ADAMTSL1: variants seen among roughly 807,000 people sequenced by gnomAD.
ADAMTSL1 encodes the protein ADAMTS like 1.
A neutral mutation model predicts 201.8 loss-of-function variants in ADAMTSL1; 126 were observed. The observed-to-expected ratio is 0.62, with a 90% CI of 0.54 to 0.72. The LOEUF is 0.72. ADAMTSL1 is among the 30% of genes least tolerant of loss of function. The pLI, the probability that ADAMTSL1 is intolerant of heterozygous loss-of-function variation, is 0.00. For synonymous variants in ADAMTSL1, 1,121 were observed against 903.4 expected (o/e 1.24, Z -4.32); for missense variants, 2,679 against 2,277.8 (o/e 1.18, Z -3.59).
chr9:18,422,622 G>A (rs573296747), intron 2 of ADAMTSL1, among the ~76,000 whole-genome samples: 23 of 152,132 alleles, frequency 1.5e-4, no homozygotes, highest in African/African-American at 3.9e-4. Flanking sequence ...ACCATCTTGC[G>A]CTCACCATTC....
intron 2 of ADAMTSL1, among the ~76,000 whole-genome samples, chr9:18,278,276 A>G (rs575208570): frequency 1.3e-5 from 2 of 152,270 alleles, no homozygotes; most frequent in South Asian, 4.1e-4. Context: ...TCATATTGTT[A>G]AGTAGCATTG....
At chr9:18,635,793 T>C (rs1035617245) in intron 5 of ADAMTSL1, 150 bp from the exon 6 acceptor site, 6 of 600,530 alleles carry the variant, frequency 1.0e-5, no homozygotes, top group Non-Finnish European at 1.4e-5. Context: ...AAAGTGAAAA[T>C]GTTGATTTCT....
intron 1 of ADAMTSL1, among the ~76,000 whole-genome samples, chr9:18,124,049 GA>G (rs1467533318): frequency 2.8e-5 from 4 of 141,682 alleles, no homozygotes; most frequent in Non-Finnish European, 4.6e-5. Flanking sequence ...TAATGATGTT[GA>G]GTATCTTTTT....
At chr9:17,996,743 G>T (rs1819397482) in intron 1 of ADAMTSL1, among the ~76,000 whole-genome samples, 1 of 151,772 alleles carries the variant, frequency 6.6e-6, no homozygotes, top group African/African-American at 2.4e-5. Flanking sequence ...AGATCTTTGT[G>T]CTCCACATTT....
At chr9:18,284,991 A>G (rs1587468644) in intron 2 of ADAMTSL1, among the ~76,000 whole-genome samples, 4 of 152,198 alleles carry the variant, frequency 2.6e-5, no homozygotes, top group Non-Finnish European at 4.4e-5. Context: ...TGTTCAAACA[A>G]TCATTCAAGG....
chr9:18,686,068 G>A (rs956489656), intron 13 of ADAMTSL1, among the ~76,000 whole-genome samples: 2 of 151,866 alleles, frequency 1.3e-5, no homozygotes, highest in African/African-American at 4.8e-5. Flanking sequence ...ACAGGTGCAG[G>A]CCACCACACC....
chr9:18,090,928 G>T (rs965162551), intron 1 of ADAMTSL1, among the ~76,000 whole-genome samples: 1 of 152,008 alleles, frequency 6.6e-6, no homozygotes, highest in African/African-American at 2.4e-5. Flanking sequence ...ATTCTGGGCT[G>T]TGTACACATG....
chr9:18,132,061 T>G (rs1825975319), intron 1 of ADAMTSL1, among the ~76,000 whole-genome samples: 1 of 152,148 alleles, frequency 6.6e-6, no homozygotes, highest in South Asian at 2.1e-4. Flanking sequence ...TTCTATCTAC[T>G]AAGGATCAAT....
chr9:18,547,307 C>A (rs756857426), intron 3 of ADAMTSL1, among the ~76,000 whole-genome samples: 16 of 151,934 alleles, frequency 1.1e-4, no homozygotes, highest in Admixed American at 4.6e-4. Context: ...ATCTTAATAT[C>A]TATTCATCCT....
At chr9:18,415,435 C>T (rs1218726842) in intron 2 of ADAMTSL1, among the ~76,000 whole-genome samples, 2 of 152,036 alleles carry the variant, frequency 1.3e-5, no homozygotes, top group East Asian at 1.9e-4. Context: ...ATATTAGTAA[C>T]AGATTAGCTG....
At chr9:18,566,464 G>C (rs930473836) in intron 3 of ADAMTSL1, among the ~76,000 whole-genome samples, 1 of 152,202 alleles carries the variant, frequency 6.6e-6, no homozygotes, top group African/African-American at 2.4e-5. Context: ...TAGGAAAAAG[G>C]AAAGTTGAGC....
intron 1 of ADAMTSL1, among the ~76,000 whole-genome samples, chr9:18,018,095 C>T (rs1365943068): frequency 1.3e-5 from 2 of 152,008 alleles, no homozygotes; most frequent in Non-Finnish European, 2.9e-5. Flanking sequence ...AGAAACTACA[C>T]ATATATAGAA....
chr9:18,839,599 G>A (rs1308827936), intron 23 of ADAMTSL1, among the ~76,000 whole-genome samples: 1 of 152,228 alleles, frequency 6.6e-6, no homozygotes, highest in Admixed American at 6.5e-5. Flanking sequence ...GATCCTTGAG[G>A]AATGGCCACA....
chr9:18,361,685 T>G (rs2133081259), intron 2 of ADAMTSL1, among the ~76,000 whole-genome samples: 1 of 152,284 alleles, frequency 6.6e-6, no homozygotes, highest in African/African-American at 2.4e-5. Flanking sequence ...CCACACTAAT[T>G]TAGTTTTCAT....
rs1167111948 is a variant in ADAMTSL1, at chr9:18,688,802, G to C, written c.1574+4002G>C. On this transcript the variant is annotated intron_variant, in intron 13 of 28. Coordinates refer to ENST00000380548, the MANE Select transcript of ADAMTSL1 (RefSeq NM_001040272.6). The stretch of plus-strand genomic sequence containing the variant: ...GTGCCTATTTGAGATGGAGTTGCCT[G>C]GTTCAAATGCCTCTGACTGTTGAGG... Among the ~76,000 whole-genome samples, 3 of 145,762 alleles carry C rather than the reference G, an allele frequency of 2.1e-5. No individual in the cohort carries two copies. In the East Asian group the frequency reaches 6.1e-4, roughly 29 times the overall value.
At chr9:18,853,562 C>T (rs1158248150) in intron 23 of ADAMTSL1, among the ~76,000 whole-genome samples, 2 of 152,152 alleles carry the variant, frequency 1.3e-5, no homozygotes, top group Non-Finnish European at 2.9e-5. Flanking sequence ...AGAATTCAGG[C>T]TCCTCTCATC....
At chr9:18,770,876 C>T (rs550487071) in intron 17 of ADAMTSL1, 95 bp downstream of exon 17, 29 of 1,262,874 alleles carry the variant, frequency 2.3e-5, no homozygotes, top group Non-Finnish European at 3.0e-5. Context: ...GAGAACAAAA[C>T]AATCTTCCTA....
intron 1 of ADAMTSL1, among the ~76,000 whole-genome samples, chr9:17,934,220 A>C (rs187156439): frequency 2.0e-5 from 3 of 152,272 alleles, no homozygotes; most frequent in African/African-American, 7.2e-5. Flanking sequence ...TCTTGTTGTC[A>C]ACAATAAGGT....
Position 18,817,123 on chromosome 9 carries a change from A to G in ADAMTSL1, c.3820A>G (p.Lys1274Glu). 2 of 1,608,604 alleles carry G rather than the reference A, an allele frequency of 1.2e-6. No individual in the cohort carries two copies. The highest frequency in any genetic ancestry group is 1.7e-5 in the Admixed American group (1 of 59,362). ...CTTATCTTCAGGAAAGCCACTAGTG[A>G]AAACGTCACGAATGACAGTGATCAA... ...AVTLAGKPLV[K>E]TSRMTVINTE... Residue 1274 changes from lysine (K) to glutamate (E), a missense_variant, in exon 21 of 29, where the codon AAA becomes GAA. Transcript: ENST00000380548.
Sources: gnomAD v4.1 joint callset for allele counts (sites outside exome capture counted in the v4.1 genomes callset) on GRCh38, gnomAD v4.1.1 for gene constraint, MANE v1.5 for transcripts, NCBI Gene and HGNC (gene_info 2026-07-23, HGNC 2026-07-21) for gene names.